PLPPR1: variants seen among roughly 807,000 people sequenced by gnomAD.
PLPPR1 encodes phospholipid phosphatase-related protein type 1.
PLPPR1 carries 10 observed loss-of-function variants against 33.1 expected under a neutral mutation model. That is an observed-to-expected ratio of 0.30 (90% CI 0.19 to 0.51). The LOEUF (loss-of-function observed/expected upper bound fraction) is 0.51, where lower values mean the gene tolerates loss of function less well. Among genes scored for constraint, PLPPR1 ranks in the 20% least tolerant of loss-of-function variants. The pLI is 0.97. For synonymous variants in PLPPR1, 151 were observed against 151.0 expected (o/e 1.00, Z 0.00); for missense variants, 304 against 408.1 (o/e 0.74, Z 2.20).
intron 1 of PLPPR1, among the ~76,000 whole-genome samples, chr9:101,156,590 A>G (rs1159638063): frequency 5.3e-5 from 8 of 151,620 alleles, no homozygotes; most frequent in South Asian, 2.1e-4. Context: ...AAGAAAGAAA[A>G]AAAAGAAATA....
At chr9:101,109,316 A>G (rs1174950254) in intron 1 of PLPPR1, among the ~76,000 whole-genome samples, 1 of 152,012 alleles carries the variant, frequency 6.6e-6, no homozygotes, top group Non-Finnish European at 1.5e-5. Flanking sequence ...TCCTGAAATC[A>G]AATAGTTTGG....
At chr9:101,242,734 A>T (rs1384474643) in intron 2 of PLPPR1, among the ~76,000 whole-genome samples, 1 of 152,060 alleles carries the variant, frequency 6.6e-6, no homozygotes, top group Non-Finnish European at 1.5e-5. Flanking sequence ...CACAATATTC[A>T]TGCACATTGA....
Position 101,286,240 on chromosome 9 carries a change from A to T in PLPPR1, c.385+4A>T, listed in dbSNP as rs762705056. 6.2e-7 allele frequency: 1 copy of T among 1,611,376 alleles called. No homozygotes were observed. The highest frequency in any genetic ancestry group is 1.1e-5 in the South Asian group (1 of 90,598). On this transcript the variant is annotated splice_donor_region_variant and intron_variant, in intron 4 of 7. Coordinates refer to ENST00000374874, the MANE Select transcript of PLPPR1 (RefSeq NM_207299.2). ...CGAAGGATCATAAGATTCACAGGTG[A>T]GTACAAGATGGTGCTGAACTAAGCT...
chr9:101,242,087 C>A (rs996314616), intron 2 of PLPPR1, among the ~76,000 whole-genome samples: 1 of 151,998 alleles, frequency 6.6e-6, no homozygotes, highest in Non-Finnish European at 1.5e-5. Context: ...TTGAAGCTGC[C>A]TGTTAGCTAG....
At chr9:101,211,851 C>T (rs891458504) in intron 2 of PLPPR1, among the ~76,000 whole-genome samples, 1 of 152,164 alleles carries the variant, frequency 6.6e-6, no homozygotes, top group African/African-American at 2.4e-5. Flanking sequence ...AAGTATTTTA[C>T]ATAAATTGTT....
At chr9:101,316,616 CAA>C (rs553324474) in intron 6 of PLPPR1, among the ~76,000 whole-genome samples, 9 of 82,488 alleles carry the variant, frequency 1.1e-4, no homozygotes, top group Admixed American at 3.9e-4. Flanking sequence ...TCTTCTTGGG[CAA>C]AAAAAAAAAA....
chr9:101,066,171 T>A (rs1830410816), intron 1 of PLPPR1, among the ~76,000 whole-genome samples: 1 of 152,058 alleles, frequency 6.6e-6, no homozygotes, highest in South Asian at 2.1e-4. Context: ...ATATTTCATA[T>A]AATGTTTTTC....
intron 1 of PLPPR1, among the ~76,000 whole-genome samples, chr9:101,073,820 G>A (rs1447140899): frequency 1.3e-5 from 2 of 152,138 alleles, no homozygotes; most frequent in African/African-American, 4.8e-5. Context: ...CCATGCCTTG[G>A]CTCATGTTTG....
chr9:101,267,336 G>C (rs1031195341), intron 2 of PLPPR1, among the ~76,000 whole-genome samples: 1 of 152,294 alleles, frequency 6.6e-6, no homozygotes, highest in East Asian at 1.9e-4. Context: ...AATCTTTCAG[G>C]AAACATATTT....
At position 101,263,595 on chromosome 9, in the gene PLPPR1, A is replaced by G. The variant is rs76023263; in HGVS notation, c.64-6285A>G. ...TTGGAAACATTTAAAGTGTCCAAGT[A>G]TGTAACATAGTTTAGTTCTTAATAT... On this transcript the variant is annotated intron_variant, in intron 2 of 7. Transcript: ENST00000374874. 4.3e-3 allele frequency among the ~76,000 whole-genome samples: 660 copies of G among 152,318 alleles called. 4 individuals carry two copies. Among genetic ancestry groups the G allele is most frequent in the African/African-American group, 0.015 (637 of 41,574 alleles).
chr9:101,317,979 A>C (rs34698232), intron 7 of PLPPR1, among the ~76,000 whole-genome samples: 8,645 of 152,298 alleles, frequency 0.057, 335 homozygotes, highest in Middle Eastern at 0.14. Flanking sequence ...CTACAACAGA[A>C]CCTTGCATCA....
chr9:101,315,844 A>G (rs550973401), intron 6 of PLPPR1, among the ~76,000 whole-genome samples: 177 of 152,322 alleles, frequency 1.2e-3, no homozygotes, highest in African/African-American at 4.2e-3. Context: ...GAATGGCAGG[A>G]TATCTACTGT....
intron 1 of PLPPR1, among the ~76,000 whole-genome samples, chr9:101,042,685 G>C (rs985356605): frequency 4.6e-5 from 7 of 152,168 alleles, no homozygotes; most frequent in Non-Finnish European, 1.0e-4. Context: ...TATAACTTAA[G>C]TGATTATACT....
intron 7 of PLPPR1, among the ~76,000 whole-genome samples, chr9:101,320,466 T>G (rs778887196): frequency 3.3e-5 from 5 of 152,220 alleles, no homozygotes; most frequent in Non-Finnish European, 5.9e-5. Flanking sequence ...GTAGACACTT[T>G]AGCCAAAACC....
At chr9:101,158,421 C>G (rs78403439) in intron 1 of PLPPR1, among the ~76,000 whole-genome samples, 8,971 of 152,140 alleles carry the variant, frequency 0.059, 884 homozygotes, top group African/African-American at 0.2. Context: ...TGGCTTTCAT[C>G]TCAGTTTGGA....
chr9:101,077,131 A>G (rs1292804735), intron 1 of PLPPR1, among the ~76,000 whole-genome samples: 1 of 152,182 alleles, frequency 6.6e-6, no homozygotes, highest in Non-Finnish European at 1.5e-5. Flanking sequence ...CATTGATGCC[A>G]AAGTTAGACA....
At chr9:101,239,025 C>T (rs1827394828) in intron 2 of PLPPR1, among the ~76,000 whole-genome samples, 1 of 150,398 alleles carries the variant, frequency 6.6e-6, no homozygotes. Context: ...ATCCTCAAGG[C>T]TTACTCATGC....
At chr9:101,279,675 A>G (rs1828261412) in intron 3 of PLPPR1, among the ~76,000 whole-genome samples, 1 of 152,220 alleles carries the variant, frequency 6.6e-6, no homozygotes, top group South Asian at 2.1e-4. Context: ...GTTGGAAACT[A>G]TACACACACA....
chr9:101,222,270 C>T (rs148105386), intron 2 of PLPPR1, among the ~76,000 whole-genome samples: 9 of 152,316 alleles, frequency 5.9e-5, no homozygotes, highest in Non-Finnish European at 1.3e-4. Context: ...AGATGATGTG[C>T]CAATACACAC....
Sources: gnomAD v4.1 joint callset for allele counts (sites outside exome capture counted in the v4.1 genomes callset) on GRCh38, gnomAD v4.1.1 for gene constraint, MANE v1.5 for transcripts, NCBI Gene and HGNC (gene_info 2026-07-23, HGNC 2026-07-21) for gene names.